The following INPP5D variants were observed in gnomAD, a reference collection of about 807,000 sequenced individuals.
INPP5D encodes phosphatidylinositol 3,4,5-trisphosphate 5-phosphatase 1.
INPP5D carries 33 observed loss-of-function variants against 122.9 expected under a neutral mutation model. The observed-to-expected ratio is 0.27, with a 90% CI of 0.20 to 0.36. The LOEUF is 0.36. INPP5D is among the 10% of genes least tolerant of loss of function. The pLI is 1.00. For synonymous variants in INPP5D, 584 were observed against 576.2 expected (o/e 1.01, Z -0.19); for missense variants, 1,053 against 1,412.7 (o/e 0.75, Z 4.08).
rs1694481172 is a variant in INPP5D, at chr2:233,170,984, T to G, written c.1901-80T>G. On this transcript the variant is annotated intron_variant, in intron 16 of 26. Transcript: ENST00000445964. This position sits in a 1 kb window ranked among gnomAD's most constrained non-coding sequence, Gnocchi z 4.5. ...TCCTTTCGTCCCCTTTCCCCTGATT[T>G]CCTACCAGAAGAATAGGGAAAATTG... The G allele has an allele frequency of 3.8e-6, 6 of 1,565,480 alleles. No individual in the cohort carries two copies. The highest frequency in any genetic ancestry group is 5.2e-6 in the Non-Finnish European group (6 of 1,153,334).
chr2:233,165,344 ATGTG>A (rs925912644), intron 13 of INPP5D, among the ~76,000 whole-genome samples: 1 of 149,340 alleles, frequency 6.7e-6, no homozygotes, highest in Non-Finnish European at 1.5e-5. Flanking sequence ...ACCCATATCT[ATGTG>A]TGTGAGTGTC....
chr2:233,074,097 A>AT (rs1691452278), intron 1 of INPP5D, among the ~76,000 whole-genome samples: 1 of 152,114 alleles, frequency 6.6e-6, no homozygotes, highest in Admixed American at 6.6e-5. Flanking sequence ...AGGTCAGGTG[A>AT]TTTTTCTTTT....
Position 233,188,054 on chromosome 2 carries a change from C to T in INPP5D, c.2359-1796C>T, listed in dbSNP as rs974389100. On this transcript the variant is annotated intron_variant, in intron 21 of 26. Coordinates refer to ENST00000445964, the MANE Select transcript of INPP5D (RefSeq NM_001017915.3). The surrounding 1 kb of genome is among the most constrained non-coding windows in gnomAD (Gnocchi z 4.7). ...GTCCCCCTGCCCCCTCCCAGGGGGT[C>T]CACTCCTCCTGTCTCCTGCCTCTTG... Among the ~76,000 whole-genome samples, 11 of 152,052 alleles carry T rather than the reference C, an allele frequency of 7.2e-5. No homozygotes were observed. Among genetic ancestry groups the T allele is most frequent in the Non-Finnish European group, 8.8e-5 (6 of 67,988 alleles).
At chr2:233,194,843 C>T (rs919569562) in intron 23 of INPP5D, among the ~76,000 whole-genome samples, 1 of 148,294 alleles carries the variant, frequency 6.7e-6, no homozygotes, top group Admixed American at 6.7e-5. Flanking sequence ...ACTCTGTAGC[C>T]CAGGCTAGAG....
intron 1 of INPP5D, among the ~76,000 whole-genome samples, chr2:233,071,180 C>T (rs1691376285): frequency 1.3e-5 from 2 of 151,852 alleles, no homozygotes; most frequent in African/African-American, 4.8e-5. Flanking sequence ...TTCCAGCTAC[C>T]TGGGAGGCTG....
At chr2:233,066,277 T>C (rs1454725108) in intron 1 of INPP5D, among the ~76,000 whole-genome samples, 1 of 152,200 alleles carries the variant, frequency 6.6e-6, no homozygotes, top group African/African-American at 2.4e-5. Context: ...TCTCAATCAA[T>C]TGGTGCCATC....
intron 1 of INPP5D, among the ~76,000 whole-genome samples, chr2:233,068,846 G>T (rs1011938203): frequency 1.3e-5 from 2 of 152,208 alleles, no homozygotes; most frequent in African/African-American, 4.8e-5. Context: ...CCCCTGTGAC[G>T]GAGGCTGCTG....
intron 2 of INPP5D, among the ~76,000 whole-genome samples, chr2:233,096,513 G>A (rs947175977): frequency 6.6e-5 from 10 of 152,096 alleles, no homozygotes; most frequent in Admixed American, 2.0e-4. Flanking sequence ...TTAGCCAGGC[G>A]TGGTGGCGCA....
At chr2:233,103,670 C>T (rs1692380492) in intron 2 of INPP5D, among the ~76,000 whole-genome samples, 1 of 151,664 alleles carries the variant, frequency 6.6e-6, no homozygotes, top group African/African-American at 2.4e-5. Context: ...GTGATCTGCC[C>T]AGTGCTAGGG....
intron 1 of INPP5D, among the ~76,000 whole-genome samples, chr2:233,065,010 C>A (rs4075306): frequency 0.13 from 19,923 of 152,176 alleles, 2,400 homozygotes; most frequent in East Asian, 0.34. Context: ...ACCAGAAAGC[C>A]GGCCAAGGGG....
rs1023254589 is a variant in INPP5D at position 233,188,264 on chromosome 2, C to T, written c.2359-1586C>T. ...CCCCCGCCCCACCCCTGTTGCCTGG[C>T]GGCCTCCTCTGTTCACCCTGTAAAT... On this transcript the variant is annotated intron_variant, in intron 21 of 26. Coordinates refer to ENST00000445964, the MANE Select transcript of INPP5D (RefSeq NM_001017915.3). The surrounding 1 kb of genome is among the most constrained non-coding windows in gnomAD (Gnocchi z 4.7). Among the ~76,000 whole-genome samples the T allele has an allele frequency of 5.9e-5, 9 of 152,176 alleles. No individual in the cohort carries two copies. Among genetic ancestry groups the T allele is most frequent in the Middle Eastern group, 3.4e-3 (1 of 294 alleles).
intron 25 of INPP5D, among the ~76,000 whole-genome samples, chr2:233,202,435 C>T (rs1478638590): frequency 1.3e-5 from 2 of 152,344 alleles, no homozygotes; most frequent in African/African-American, 2.4e-5. Context: ...CCCCCAGGTG[C>T]ACAGTCAGGC....
rs182277228 is a variant in INPP5D at position 233,123,345 on chromosome 2, T to C, written c.349+1088T>C. ...GGTACGCGCCTGTAGTTCCAGCTACTTGGGAGGCTGAGGCAGAAGAATCGC... is the reference window on the plus strand; with the variant it reads ...GGTACGCGCCTGTAGTTCCAGCTACCTGGGAGGCTGAGGCAGAAGAATCGC... On this transcript the variant is annotated intron_variant, in intron 3 of 26. Coordinates refer to ENST00000445964, the MANE Select transcript of INPP5D (RefSeq NM_001017915.3). Among the ~76,000 whole-genome samples, 148 of 151,984 alleles carry C rather than the reference T, an allele frequency of 9.7e-4. 3 individuals are homozygous for C. Among genetic ancestry groups the C allele is most frequent in the African/African-American group, 3.3e-3 (138 of 41,440 alleles).
In INPP5D at chr2:233,125,980, C is replaced by A. The variant is rs1019969573; in HGVS notation, c.524+61C>A. The A allele has an allele frequency of 1.4e-5, 21 of 1,533,300 alleles. No homozygotes were observed. In the African/African-American group the frequency reaches 2.8e-4, roughly 20 times the overall value. 95.0% of individuals were successfully genotyped at this position (1,533,300 alleles called of 1,614,324 possible). ...TGCAGTGAGCCCAGCCAGGGCAGGG[C>A]TGGATGGCTTGGGTTTCGATCCTAG... is the stretch of plus-strand genomic sequence containing the variant. On this transcript the variant is annotated intron_variant, in intron 4 of 26. Transcript: ENST00000445964.
At chr2:233,145,778 G>A (rs1482432116) in intron 6 of INPP5D, among the ~76,000 whole-genome samples, 2 of 152,094 alleles carry the variant, frequency 1.3e-5, no homozygotes, top group Non-Finnish European at 2.9e-5. Flanking sequence ...GAGAAGAACT[G>A]TACTGGGGTT....
At chr2:233,118,909 C>G (rs1210128037) in intron 2 of INPP5D, among the ~76,000 whole-genome samples, 3 of 152,264 alleles carry the variant, frequency 2.0e-5, no homozygotes, top group African/African-American at 7.2e-5. Flanking sequence ...CCTTGGTTTG[C>G]CAGACCCTGG....
chr2:233,184,305 TG>T, intron 19 of INPP5D, 102 bp from the exon 20 acceptor site: 1 of 1,474,660 alleles, frequency 6.8e-7, no homozygotes. Flanking sequence ...CCCACCTTCC[TG>T]GGACCCTGAG....
chr2:233,098,243 A>C (rs996842693), intron 2 of INPP5D, among the ~76,000 whole-genome samples: 1 of 152,062 alleles, frequency 6.6e-6, no homozygotes, highest in Non-Finnish European at 1.5e-5. Flanking sequence ...CAGGAGGAGG[A>C]TGCAAGTCAA....
Position 233,207,428 on chromosome 2 carries a change from T to A in INPP5D, c.*720T>A, listed in dbSNP as rs1695542521. ...TCTACCTGGCTTCTCAGTTCTTTGG[T>A]TGGAAGGAGCAGGAAATCAGCTCCT... is the stretch of plus-strand genomic sequence containing the variant. On this transcript the variant is annotated 3_prime_UTR_variant, in exon 27 of 27. Transcript: ENST00000445964. This position sits in a 1 kb window ranked among gnomAD's most constrained non-coding sequence, Gnocchi z 4.6. 1 of 152,474 alleles carries A rather than the reference T, an allele frequency of 6.6e-6. No homozygotes were observed. The highest frequency in any genetic ancestry group is 2.1e-4 in the South Asian group (1 of 4,832). 9.4% of individuals were successfully genotyped at this position (152,474 alleles called of 1,614,324 possible). A position where few individuals can be genotyped will look rare whatever the true frequency, so the allele number is the denominator to read the frequency against.
Sources: allele counts gnomAD v4.1 joint callset (sites outside exome capture counted in the v4.1 genomes callset), GRCh38; gene constraint gnomAD v4.1.1; non-coding constraint Gnocchi (gnomAD v3.1); transcripts MANE v1.5; gene names NCBI Gene and HGNC (gene_info 2026-07-23, HGNC 2026-07-21).